The following UGT1A1 variants were observed in gnomAD, a reference collection of about 807,000 sequenced individuals.
The protein encoded by UGT1A1 is UDP-glucuronosyltransferase 1A1.
UGT1A1 carries 33 observed loss-of-function variants against 40.6 expected under a neutral mutation model. That is an observed-to-expected ratio of 0.81 (90% CI 0.62 to 1.09). The LOEUF (loss-of-function observed/expected upper bound fraction) is 1.09. Ranked by LOEUF, UGT1A1 falls within the 50% of genes least tolerant of loss-of-function variation. The pLI, the probability that UGT1A1 is intolerant of heterozygous loss-of-function variation, is 0.00. For synonymous variants in UGT1A1, 249 were observed against 265.0 expected, an observed-to-expected ratio of 0.94 and a Z score of 0.59; for missense variants, 694 against 671.2, an observed-to-expected ratio of 1.03 and a Z score of -0.38.
intron 1 of UGT1A1, among the ~76,000 whole-genome samples, chr2:233,765,768 G>T (rs35640782): frequency 0.021 from 3,251 of 152,014 alleles, 121 homozygotes; most frequent in African/African-American, 0.073. Flanking sequence ...ATTCTTGGGG[G>T]ATTCATTGGA....
intron 1 of UGT1A1, among the ~76,000 whole-genome samples, chr2:233,763,740 G>A (rs752841443): frequency 3.7e-4 from 57 of 152,188 alleles, no homozygotes; most frequent in Non-Finnish European, 5.6e-4. Flanking sequence ...GCATTGGCGT[G>A]TCTTTGGTGT....
chr2:233,765,014 C>G (rs1352821222), intron 1 of UGT1A1, among the ~76,000 whole-genome samples: 2 of 151,988 alleles, frequency 1.3e-5, no homozygotes, highest in Non-Finnish European at 1.5e-5. Context: ...CCAAATCAGG[C>G]TTGGCAGGAG....
chr2:233,762,970 T>A (rs916138811), intron 1 of UGT1A1, among the ~76,000 whole-genome samples: 1 of 152,240 alleles, frequency 6.6e-6, no homozygotes, highest in South Asian at 2.1e-4. Context: ...GATGCCCGTC[T>A]TGCTGCTATT....
chr2:233,769,313 C>G lies in UGT1A1; in HGVS notation c.1304+874C>G, dbSNP rs1699834198. 6.6e-6 allele frequency among the ~76,000 whole-genome samples: 1 copy of G among 152,226 alleles called. No homozygotes were observed. Among genetic ancestry groups the G allele is most frequent in the Admixed American group, 6.5e-5 (1 of 15,282 alleles). ...TTAAAGTTAGTATATTACTGTCAAG[C>G]TCACTGGTAATAGGCTTATTAGAAC... is the stretch of plus-strand genomic sequence containing the variant. On this transcript the variant is annotated intron_variant, in intron 4 of 4. Coordinates refer to ENST00000305208, the MANE Select transcript of UGT1A1 (RefSeq NM_000463.3). This position sits in a 1 kb window ranked among gnomAD's most constrained non-coding sequence, Gnocchi z 4.4.
At chr2:233,768,705 T>C (rs536691348) in intron 4 of UGT1A1, among the ~76,000 whole-genome samples, 10 of 148,550 alleles carry the variant, frequency 6.7e-5, no homozygotes, top group Admixed American at 6.1e-4. Flanking sequence ...TGCCTCAGCC[T>C]CCGTGTAGCT....
Position 233,772,456 on chromosome 2 carries a change from T to G in UGT1A1, c.1499T>G (p.Leu500Arg). The G allele has an allele frequency of 6.2e-7, 1 of 1,614,218 alleles. No individual in the cohort carries two copies. ...DVIGFLLAVV[L>R]TVAFITFKCC... ...ATTGGTTTCCTCTTGGCCGTCGTGC[T>G]GACAGTGGCCTTCATCACCTTTAAA... Residue 500 changes from leucine to arginine, a missense_variant, in exon 5 of 5, where the codon CTG becomes CGG. Physicochemically the swap from Leu to Arg is moderately radical, Grantham distance 102. Transcript: ENST00000305208.
intron 1 of UGT1A1, among the ~76,000 whole-genome samples, chr2:233,765,695 A>G (rs1698910486): frequency 6.9e-6 from 1 of 145,802 alleles, no homozygotes; most frequent in African/African-American, 2.7e-5. Flanking sequence ...CTTCAAGTAA[A>G]TAATAATAAT....
intron 1 of UGT1A1, among the ~76,000 whole-genome samples, chr2:233,766,008 T>C (rs901073626): frequency 2.6e-5 from 4 of 152,174 alleles, no homozygotes; most frequent in Non-Finnish European, 5.9e-5. Context: ...GCGTGGGTTA[T>C]GGCCTTCTTT....
Position 233,766,771 on chromosome 2 carries a change from C to T in UGT1A1, c.865-263C>T, listed in dbSNP as rs71528513. ...GTGCATGTGTGTGCATGTACCTGTG[C>T]TTTTCTTTTGGAAAACTAGCACATT... On this transcript the variant is annotated intron_variant, in intron 1 of 4. Transcript: ENST00000305208. 5.2e-3 allele frequency among the ~76,000 whole-genome samples: 785 copies of T among 152,286 alleles called. 3 individuals are homozygous for T. The highest frequency in any genetic ancestry group is 8.7e-3 in the Non-Finnish European group (595 of 68,032).
At position 233,772,917 on chromosome 2, in the gene UGT1A1, G is replaced by A. The variant is rs930433907; in HGVS notation, c.*358G>A. ...TCCCACGGCTGCCCCTACTGCAAAT[G>A]GCAGTTTTAATCTTATCTTTTGGCT... On this transcript the variant is annotated 3_prime_UTR_variant, in exon 5 of 5. Coordinates refer to ENST00000305208, the MANE Select transcript of UGT1A1 (RefSeq NM_000463.3). The A allele has an allele frequency of 5.3e-6, 2 of 380,130 alleles. No individual in the cohort carries two copies. The highest frequency in any genetic ancestry group is 9.3e-6 in the Non-Finnish European group (2 of 215,476). The allele number at this position is 380,130 out of a possible 1,614,324, so 23.5% of individuals were successfully genotyped here.
Position 233,772,517 on chromosome 2 carries a change from A to G in UGT1A1, c.1560A>G (p.Lys520=). Residue 520 remains lysine, a synonymous_variant, in exon 5 of 5, where the codon AAA becomes AAG. Transcript: ENST00000305208. Reference sequence around the variant, plus strand: ...ATGGCTACCGGAAATGCTTGGGGAAAAAAGGGCGAGTTAAGAAAGCCCACA... The same window carrying G: ...ATGGCTACCGGAAATGCTTGGGGAAGAAAGGGCGAGTTAAGAAAGCCCACA... ...CAYGYRKCLG[K]KGRVKKAHKS... 6.2e-7 allele frequency: 1 copy of G among 1,614,222 alleles called. No homozygotes were observed. Among genetic ancestry groups the G allele is most frequent in the South Asian group, 1.1e-5 (1 of 91,086 alleles).
At position 233,761,111 on chromosome 2, in the gene UGT1A1, T is replaced by C; in HGVS notation, c.824T>C (p.Val275Ala). ...CCCATCATGCCCAATATGGTTTTTG[T>C]TGGTGGAATCAACTGCCTTCACCAA... is the stretch of plus-strand genomic sequence containing the variant. ...PRPIMPNMVFVGGINCLHQNP... is the reference protein window; with the variant it reads ...PRPIMPNMVFAGGINCLHQNP... The change falls in exon 1 of 5, where the codon GTT becomes GCT. Residue 275 changes from valine to alanine, a missense_variant. Physicochemically the swap from Val to Ala is moderately conservative, Grantham distance 64. Transcript: ENST00000305208. 1 of 1,614,220 alleles carries C rather than the reference T, an allele frequency of 6.2e-7. No individual in the cohort carries two copies. The highest frequency in any genetic ancestry group is 8.5e-7 in the Non-Finnish European group (1 of 1,180,038).
intron 4 of UGT1A1, chr2:233,770,807 T>C (rs1273805727): frequency 2.6e-5 from 4 of 152,116 alleles, no homozygotes; most frequent in East Asian, 1.9e-4. Context: ...TTAAAGACAG[T>C]GTATTAGGCT....
Position 233,766,262 on chromosome 2 carries a change from C to T in UGT1A1, c.865-772C>T, listed in dbSNP as rs34353734. On this transcript the variant is annotated intron_variant, in intron 1 of 4. Coordinates refer to ENST00000305208, the MANE Select transcript of UGT1A1 (RefSeq NM_000463.3). ...CCCCTGGAGTCAGACCGCTCAGTGG[C>T]CCGGGCTCGGTGGCCCGGGCTCGGT... is the stretch of plus-strand genomic sequence containing the variant. Among the ~76,000 whole-genome samples, 215 of 68,078 alleles carry T rather than the reference C, an allele frequency of 3.2e-3. 2 individuals carry two copies. Among genetic ancestry groups the T allele is most frequent in the African/African-American group, 0.015 (204 of 13,924 alleles). 44.7% of individuals were successfully genotyped at this position (68,078 alleles called of 152,430 possible).
chr2:233,772,918 G>T lies in UGT1A1; in HGVS notation c.*359G>T. The stretch of plus-strand genomic sequence containing the variant: ...CCCACGGCTGCCCCTACTGCAAATG[G>T]CAGTTTTAATCTTATCTTTTGGCTT... On this transcript the variant is annotated 3_prime_UTR_variant, in exon 5 of 5. Coordinates refer to ENST00000305208, the MANE Select transcript of UGT1A1 (RefSeq NM_000463.3). 5.3e-6 allele frequency: 2 copies of T among 377,338 alleles called. No homozygotes were observed. The highest frequency in any genetic ancestry group is 2.9e-5 in the South Asian group (1 of 34,748). The allele number at this position is 377,338 out of a possible 1,614,324, so 23.4% of individuals were successfully genotyped here.
Position 233,761,042 on chromosome 2 carries a change from C to A in UGT1A1, c.755C>A (p.Ser252Tyr). 1 of 1,614,180 alleles carries A rather than the reference C, an allele frequency of 6.2e-7. No homozygotes were observed. Among genetic ancestry groups the A allele is most frequent in the Non-Finnish European group, 8.5e-7 (1 of 1,180,038 alleles). ...GTCCAGGACCTATTGAGCTCTGCAT[C>A]TGTCTGGCTGTTTAGAAGTGACTTT... is the stretch of plus-strand genomic sequence containing the variant. The part of the protein sequence containing the change: ...VTVQDLLSSA[S>Y]VWLFRSDFVK... Residue 252 changes from serine to tyrosine, a missense_variant, in exon 1 of 5, where the codon TCT becomes TAT. By Grantham distance (144) the Ser-to-Tyr change is moderately radical. Transcript: ENST00000305208.
At chr2:233,767,191 C>T (rs1476411384) in intron 2 of UGT1A1, 26 bp downstream of exon 2, 2 of 1,613,814 alleles carry the variant, frequency 1.2e-6, no homozygotes, top group Non-Finnish European at 1.7e-6. Context: ...ACCATGGCCT[C>T]ATATCTATTT....
At chr2:233,764,109 T>C (rs1698482048) in intron 1 of UGT1A1, among the ~76,000 whole-genome samples, 2 of 152,214 alleles carry the variant, frequency 1.3e-5, no homozygotes, top group African/African-American at 2.4e-5. Flanking sequence ...TACAAAATTC[T>C]TGGTAAAGTT....
At chr2:233,764,847 C>G (rs1361860386) in intron 1 of UGT1A1, among the ~76,000 whole-genome samples, 2 of 147,962 alleles carry the variant, frequency 1.4e-5, no homozygotes, top group Non-Finnish European at 3.0e-5. Flanking sequence ...ATGACTCTGT[C>G]CTCCCTGACT....
Sources: gnomAD v4.1 joint callset for allele counts (sites outside exome capture counted in the v4.1 genomes callset) on GRCh38, gnomAD v4.1.1 for gene constraint, Gnocchi (gnomAD v3.1) non-coding constraint, MANE v1.5 for transcripts, NCBI Gene and HGNC (gene_info 2026-07-23, HGNC 2026-07-21) for gene names.